The following MECR variants were observed in gnomAD, a reference collection of about 807,000 sequenced individuals.
MECR encodes the protein enoyl-[acyl-carrier-protein] reductase, mitochondrial.
Under a neutral mutation model 49.1 loss-of-function variants are expected in MECR, and 37 were observed. The ratio of observed to expected loss-of-function variants is 0.75; its 90% CI spans 0.58 to 0.99. The LOEUF is 0.99. MECR is among the 50% of genes least tolerant of loss of function. The probability of loss-of-function intolerance (pLI) is 0.00; values close to 1 mark genes in which losing one functional copy is unlikely to be tolerated. For missense variants in MECR, 470 were observed against 479.6 expected (o/e 0.98, Z 0.19); for synonymous variants, 198 against 191.1 (o/e 1.04, Z -0.30).
the MECR span, chr1:29,169,711 G>C: frequency 6.6e-6 from 1 of 152,122 alleles, no homozygotes; most frequent in African/African-American, 2.4e-5. Flanking sequence ...CTCTAATGAT[G>C]AACTAACCAA....
At chr1:29,217,052 T>A (rs1475598647) in intron 1 of MECR, among the ~76,000 whole-genome samples, 1 of 142,300 alleles carries the variant, frequency 7.0e-6, no homozygotes, top group Non-Finnish European at 1.5e-5. Context: ...AAGAATTGCT[T>A]CAACGTGGGA....
At chr1:29,173,145 T>C in the MECR span, 1 of 138,568 alleles carries the variant, frequency 7.2e-6, no homozygotes, top group Non-Finnish European at 1.6e-5. Flanking sequence ...TTTTTTTTTT[T>C]TTTTTTTTTT....
the MECR span, chr1:29,171,664 A>T: frequency 6.6e-6 from 1 of 152,164 alleles, no homozygotes; most frequent in Admixed American, 6.6e-5. Context: ...GTATTCTCTC[A>T]GATGCCTGGA....
the MECR span, chr1:29,171,490 AC>A: frequency 6.6e-6 from 1 of 151,026 alleles, no homozygotes; most frequent in African/African-American, 2.4e-5. Flanking sequence ...TCACCTTATC[AC>A]CCCATGCCTC....
At chr1:29,214,507 G>C (rs766361051) in intron 3 of MECR, among the ~76,000 whole-genome samples, 1 of 151,542 alleles carries the variant, frequency 6.6e-6, no homozygotes. Context: ...GACTACAGAC[G>C]CATGCCACCA....
intron 5 of MECR, 102 bp from the exon 6 acceptor site, chr1:29,202,147 G>T: frequency 2.0e-6 from 2 of 1,007,034 alleles, no homozygotes; most frequent in Non-Finnish European, 3.1e-6. Flanking sequence ...GCTTCTTTTT[G>T]CAGGAAGCTG....
At chr1:29,225,485 C>T (rs540214740) in intron 1 of MECR, among the ~76,000 whole-genome samples, 2 of 152,256 alleles carry the variant, frequency 1.3e-5, no homozygotes, top group East Asian at 3.9e-4. Context: ...CCCATCACAG[C>T]ATTTACCCCA....
intron 1 of MECR, among the ~76,000 whole-genome samples, chr1:29,229,766 G>T (rs1230484170): frequency 6.6e-6 from 1 of 152,160 alleles, no homozygotes; most frequent in African/African-American, 2.4e-5. Context: ...ACAAGGATTT[G>T]ACCCCAAGTA....
At chr1:29,202,984 C>T (rs964036271) in intron 5 of MECR, 147 bp downstream of exon 5, 1 of 602,716 alleles carries the variant, frequency 1.7e-6, no homozygotes, top group East Asian at 2.9e-5. Context: ...ACTGACTCAT[C>T]TGTTTCAGCC....
intron 1 of MECR, among the ~76,000 whole-genome samples, chr1:29,217,295 C>T (rs1010255469): frequency 9.3e-5 from 14 of 150,328 alleles, no homozygotes; most frequent in Admixed American, 1.3e-4. Context: ...CTAAAAGCTC[C>T]GCCTCCCAGG....
chr1:29,190,268 G>C (rs889447685), downstream of MECR, among the ~76,000 whole-genome samples: 1 of 152,286 alleles, frequency 6.6e-6, no homozygotes, highest in Admixed American at 6.5e-5. Context: ...CCAGCTATTC[G>C]GGAGGCTGAG....
chr1:29,178,777 A>G, the MECR span, among the ~76,000 whole-genome samples: 1 of 152,104 alleles, frequency 6.6e-6, no homozygotes, highest in Admixed American at 6.5e-5. Context: ...TTTCTTTTGT[A>G]CTCACTCCTT....
chr1:29,177,981 C>T, the MECR span, among the ~76,000 whole-genome samples: 3 of 143,310 alleles, frequency 2.1e-5, no homozygotes, highest in East Asian at 6.1e-4. Context: ...CTCACTGCAA[C>T]CTCCACCTCC....
chr1:29,218,601 G>A (rs10915242), intron 1 of MECR, among the ~76,000 whole-genome samples: 17,529 of 152,094 alleles, frequency 0.12, 1,374 homozygotes, highest in East Asian at 0.41. Context: ...AGCTGGGCAC[G>A]GTGGCTCACG....
intron 1 of MECR, among the ~76,000 whole-genome samples, chr1:29,217,039 CAGA>C (rs772605036): frequency 1.5e-5 from 2 of 134,362 alleles, no homozygotes; most frequent in Non-Finnish European, 3.1e-5. Flanking sequence ...GTGGCTGAGG[CAGA>C]AGAATTGCTT....
At chr1:29,202,098 G>T (rs1227883489) in intron 5 of MECR, 53 bp from the exon 6 acceptor site, 1 of 1,484,976 alleles carries the variant, frequency 6.7e-7, no homozygotes, top group Non-Finnish European at 9.4e-7. Context: ...TTCCACCAAA[G>T]CCCCCCAGGA....
At chr1:29,210,699 T>C (rs1344955824) in intron 3 of MECR, among the ~76,000 whole-genome samples, 2 of 152,152 alleles carry the variant, frequency 1.3e-5, no homozygotes, top group Non-Finnish European at 1.5e-5. Context: ...GGGTTTCAAG[T>C]AGAACTCTTA....
At chr1:29,227,779 T>C (rs1682474755) in intron 1 of MECR, among the ~76,000 whole-genome samples, 1 of 152,204 alleles carries the variant, frequency 6.6e-6, no homozygotes, top group Non-Finnish European at 1.5e-5. Flanking sequence ...TCTGTGACAG[T>C]GTGGTTACCC....
At chr1:29,220,754 CCT>C in intron 1 of MECR, 1 of 299,922 alleles carries the variant, frequency 3.3e-6, no homozygotes, top group Non-Finnish European at 4.9e-6. Context: ...TCAGAATATT[CCT>C]CCGTAAAATG....
Sources: gnomAD v4.1 joint callset for allele counts (sites outside exome capture counted in the v4.1 genomes callset) on GRCh38, gnomAD v4.1.1 for gene constraint, MANE v1.5 for transcripts, NCBI Gene and HGNC (gene_info 2026-07-23, HGNC 2026-07-21) for gene names.